The following CNTN5 variants were observed in gnomAD, a reference collection of about 807,000 sequenced individuals.
The protein encoded by CNTN5 is contactin 5.
A neutral mutation model predicts 129.1 loss-of-function variants in CNTN5; 77 were observed. The ratio of observed to expected loss-of-function variants is 0.60; its 90% CI spans 0.50 to 0.72. The LOEUF (loss-of-function observed/expected upper bound fraction) is 0.72, where lower values mean the gene tolerates loss of function less well. Among genes scored for constraint, CNTN5 ranks in the 30% least tolerant of loss-of-function variants. The pLI is 0.00. For missense variants in CNTN5, 1,478 were observed against 1,328.8 expected (o/e 1.11, Z -1.75); for synonymous variants, 509 against 465.6 (o/e 1.09, Z -1.20).
At chr11:99,858,431 T>G (rs765247054) in intron 6 of CNTN5, among the ~76,000 whole-genome samples, 11 of 152,020 alleles carry the variant, frequency 7.2e-5, no homozygotes, top group Non-Finnish European at 1.3e-4. Context: ...GGAACTAGGA[T>G]GTTTATTAAA....
intron 17 of CNTN5, among the ~76,000 whole-genome samples, chr11:100,264,762 T>C (rs1950268514): frequency 6.6e-6 from 1 of 152,182 alleles, no homozygotes; most frequent in Non-Finnish European, 1.5e-5. Flanking sequence ...ATGCGATTGC[T>C]GGGTCAAATG....
At chr11:100,306,514 C>G (rs1324331731) in intron 20 of CNTN5, among the ~76,000 whole-genome samples, 1 of 151,682 alleles carries the variant, frequency 6.6e-6, no homozygotes, top group Non-Finnish European at 1.5e-5. Flanking sequence ...CTCTGTAATG[C>G]ATTTATTCTG....
Position 100,001,907 on chromosome 11 carries a change from A to C in CNTN5, c.878-127A>C, listed in dbSNP as rs1030471404. The C allele has an allele frequency of 2.5e-5, 17 of 668,614 alleles. No individual in the cohort carries two copies. In the Middle Eastern group the frequency reaches 1.1e-3, roughly 42 times the overall value. The allele number at this position is 668,614 out of a possible 1,614,324, so 41.4% of individuals were successfully genotyped here. ...TGTACTACTTATTTCAATACATCGA[A>C]AAATTTAACAGTCATCAAACAGACA... On this transcript the variant is annotated intron_variant, in intron 8 of 24. Transcript: ENST00000524871.
At chr11:99,626,473 C>T (rs1315764417) in intron 3 of CNTN5, among the ~76,000 whole-genome samples, 1 of 152,118 alleles carries the variant, frequency 6.6e-6, no homozygotes, top group Non-Finnish European at 1.5e-5. Context: ...CTTTACATCT[C>T]TGTTTCTCCA....
intron 6 of CNTN5, among the ~76,000 whole-genome samples, chr11:99,903,994 A>C (rs1949426857): frequency 6.6e-6 from 1 of 152,158 alleles, no homozygotes; most frequent in Non-Finnish European, 1.5e-5. Context: ...TGGCTGTTAT[A>C]AAAAAGGCAA....
chr11:100,045,963 T>TTTA (rs1163106038), intron 9 of CNTN5, among the ~76,000 whole-genome samples: 3 of 152,008 alleles, frequency 2.0e-5, no homozygotes, highest in Non-Finnish European at 4.4e-5. Flanking sequence ...TTTATTTTAT[T>TTTA]TTATTATTAT....
At chr11:99,709,393 T>A (rs34137818) in intron 3 of CNTN5, among the ~76,000 whole-genome samples, 1 of 144,772 alleles carries the variant, frequency 6.9e-6, no homozygotes, top group East Asian at 2.1e-4. Context: ...TCAGTGGAAC[T>A]TTACATTGAA....
intron 1 of CNTN5, among the ~76,000 whole-genome samples, chr11:99,065,190 A>G (rs541996182): frequency 6.6e-6 from 1 of 152,262 alleles, no homozygotes; most frequent in Non-Finnish European, 1.5e-5. Context: ...ATGAAAATAT[A>G]ATTGCAAAGT....
intron 7 of CNTN5, among the ~76,000 whole-genome samples, chr11:99,932,553 T>G (rs1412599443): frequency 6.6e-6 from 1 of 152,182 alleles, no homozygotes; most frequent in Non-Finnish European, 1.5e-5. Flanking sequence ...TATACATATT[T>G]CTTGGGCTCT....
chr11:100,175,051 A>G (rs1033554464), intron 13 of CNTN5, among the ~76,000 whole-genome samples: 7 of 152,106 alleles, frequency 4.6e-5, no homozygotes, highest in Non-Finnish European at 1.0e-4. Flanking sequence ...TTTCATTTCC[A>G]TCATCTGTAG....
At chr11:99,209,577 C>T (rs1859662251) in intron 1 of CNTN5, among the ~76,000 whole-genome samples, 1 of 152,136 alleles carries the variant, frequency 6.6e-6, no homozygotes, top group Non-Finnish European at 1.5e-5. Flanking sequence ...CACTAGGCCT[C>T]ACTTCCAACA....
chr11:99,583,901 C>T (rs893034806), intron 3 of CNTN5, among the ~76,000 whole-genome samples: 3 of 152,134 alleles, frequency 2.0e-5, no homozygotes, highest in Non-Finnish European at 2.9e-5. Context: ...AGAAATCACC[C>T]ATCTTCTGCA....
intron 3 of CNTN5, among the ~76,000 whole-genome samples, chr11:99,756,273 G>A (rs74467260): frequency 2.6e-5 from 4 of 152,038 alleles, no homozygotes; most frequent in African/African-American, 7.2e-5. Context: ...GAAAAGTTAC[G>A]ATCAATTATG....
intron 7 of CNTN5, among the ~76,000 whole-genome samples, chr11:99,951,887 T>G (rs541160227): frequency 6.6e-6 from 1 of 152,286 alleles, no homozygotes; most frequent in South Asian, 2.1e-4. Context: ...TTCTTAAAAT[T>G]TAGGGAGGTT....
intron 15 of CNTN5, among the ~76,000 whole-genome samples, chr11:100,213,673 C>T (rs1400290946): frequency 6.6e-6 from 1 of 152,074 alleles, no homozygotes; most frequent in Non-Finnish European, 1.5e-5. Context: ...TTCAAATTGA[C>T]CTTTTTTTAA....
chr11:99,358,271 T>TTTTTTTTTTTTTTTTTTTA (rs1565518506), intron 2 of CNTN5, among the ~76,000 whole-genome samples: 3 of 129,532 alleles, frequency 2.3e-5, no homozygotes, highest in African/African-American at 8.2e-5. Context: ...TTTTTTTTTT[T>TTTTTTTTTTTTTTTTTTTA]TTTTAGTAGA....
At chr11:100,316,983 G>T (rs1159764111) in intron 21 of CNTN5, among the ~76,000 whole-genome samples, 1 of 152,126 alleles carries the variant, frequency 6.6e-6, no homozygotes, top group Non-Finnish European at 1.5e-5. Flanking sequence ...TCTTTGTTTG[G>T]GCTACGTGCA....
At chr11:99,060,347 G>T (rs1864821473) in intron 1 of CNTN5, among the ~76,000 whole-genome samples, 1 of 152,036 alleles carries the variant, frequency 6.6e-6, no homozygotes, top group Non-Finnish European at 1.5e-5. Flanking sequence ...TTTTAAATGT[G>T]CATATGCATG....
At chr11:99,034,736 AT>A (rs1376666852) in intron 1 of CNTN5, among the ~76,000 whole-genome samples, 4 of 152,014 alleles carry the variant, frequency 2.6e-5, no homozygotes, top group Non-Finnish European at 4.4e-5. Context: ...GGATTCATTA[AT>A]TTTTTGAAGG....
Sources: gnomAD v4.1 joint callset for allele counts (sites outside exome capture counted in the v4.1 genomes callset) on GRCh38, gnomAD v4.1.1 for gene constraint, MANE v1.5 for transcripts, NCBI Gene and HGNC (gene_info 2026-07-23, HGNC 2026-07-21) for gene names.